Variants in PLEKHG3 observed in about 807,000 individuals in gnomAD.
The protein encoded by PLEKHG3 is pleckstrin homology domain-containing family G member 3.
PLEKHG3 carries 62 observed loss-of-function variants against 94.9 expected under a neutral mutation model. The ratio of observed to expected loss-of-function variants is 0.65; its 90% CI spans 0.53 to 0.81. The LOEUF is 0.81. PLEKHG3 is among the 30% of genes least tolerant of loss of function. PLEKHG3 has a pLI of 0.00. For synonymous variants in PLEKHG3, 614 were observed against 654.0 expected (o/e 0.94, Z 0.93); for missense variants, 1,461 against 1,619.3 (o/e 0.90, Z 1.68).
intron 1 of PLEKHG3, among the ~76,000 whole-genome samples, chr14:64,710,441 C>T (rs116066730): frequency 0.014 from 2,183 of 152,250 alleles, 59 homozygotes; most frequent in African/African-American, 0.05. Flanking sequence ...AGGCTGATGC[C>T]GGTGGATCAC....
chr14:64,737,864 T>A (rs1286212117), intron 14 of PLEKHG3: 1 of 1,192,476 alleles, frequency 8.4e-7, no homozygotes, highest in East Asian at 5.9e-5. Context: ...CTGAACAGCA[T>A]GCAGGCAGTG....
intron 12 of PLEKHG3, among the ~76,000 whole-genome samples, chr14:64,735,565 G>A (rs1474720510): frequency 3.9e-5 from 6 of 152,234 alleles, no homozygotes; most frequent in East Asian, 1.9e-4. Flanking sequence ...AATGGATATC[G>A]TGCCCCTGCA....
Position 64,732,318 on chromosome 14 carries a change from C to T in PLEKHG3, c.1213-109C>T. 1 of 1,250,610 alleles carries T rather than the reference C, an allele frequency of 8.0e-7. No homozygotes were observed. The highest frequency in any genetic ancestry group is 2.3e-5 in the East Asian group (1 of 43,210). 77.5% of individuals were successfully genotyped at this position (1,250,610 alleles called of 1,614,324 possible). ...GTGTCAGTACAGCAGATGCCCCGGG[C>T]CTTGGTGCAGCACTGTGGGGTGTCC... On this transcript the variant is annotated intron_variant, in intron 10 of 16. Transcript: ENST00000247226. This position sits in a 1 kb window ranked among gnomAD's most constrained non-coding sequence, Gnocchi z 4.9.
In PLEKHG3 at chr14:64,738,104, G is replaced by A. The variant is rs533375644; in HGVS notation, c.1405-638G>A. 55 of 1,303,476 alleles carry A rather than the reference G, an allele frequency of 4.2e-5. No homozygotes were observed. The highest frequency in any genetic ancestry group is 5.4e-5 in the Non-Finnish European group (54 of 996,736). 80.7% of individuals were successfully genotyped at this position (1,303,476 alleles called of 1,614,324 possible). On this transcript the variant is annotated intron_variant, in intron 14 of 16. Transcript: ENST00000247226. The surrounding 1 kb of genome is among the most constrained non-coding windows in gnomAD (Gnocchi z 4.8). ...CCCCAGGCTCAGAGGAGGAGGAGGA[G>A]GAGCAGGAGGAGAGCCTGGCGGTGG...
chr14:64,721,659 G>A lies in PLEKHG3; in HGVS notation c.-39-5934G>A, dbSNP rs949199035. On this transcript the variant is annotated intron_variant, in intron 1 of 16. Coordinates refer to ENST00000247226, the MANE Select transcript of PLEKHG3 (RefSeq NM_001308147.2). The surrounding 1 kb of genome is among the most constrained non-coding windows in gnomAD (Gnocchi z 4.3). ...CACATGCACACAAAGTCACTCCCCG[G>A]GGAGCCTTCTCTCGCGCTTTATTAC... 3.3e-5 allele frequency among the ~76,000 whole-genome samples: 5 copies of A among 152,180 alleles called. 1 individual carries two copies. Among genetic ancestry groups the A allele is most frequent in the African/African-American group, 1.2e-4 (5 of 41,444 alleles).
chr14:64,712,430 T>C (rs2081077490), intron 1 of PLEKHG3, among the ~76,000 whole-genome samples: 1 of 152,250 alleles, frequency 6.6e-6, no homozygotes, highest in African/African-American at 2.4e-5. Flanking sequence ...ATTGCCATAT[T>C]AACAATGTTA....
At chr14:64,724,005 C>T (rs1318653411) in intron 1 of PLEKHG3, 1 of 152,198 alleles carries the variant, frequency 6.6e-6, no homozygotes, top group African/African-American at 2.4e-5. Context: ...CTCCTACTTC[C>T]CTAGCAGACA....
Position 64,730,576 on chromosome 14 carries a change from T to G in PLEKHG3, c.520-66T>G. The G allele has an allele frequency of 7.3e-7, 1 of 1,377,320 alleles. No individual in the cohort carries two copies. The highest frequency in any genetic ancestry group is 1.2e-5 in the South Asian group (1 of 85,220). 85.3% of individuals were successfully genotyped at this position (1,377,320 alleles called of 1,614,324 possible). A position where few individuals can be genotyped will look rare whatever the true frequency, so the allele number is the denominator to read the frequency against. On this transcript the variant is annotated intron_variant, in intron 4 of 16. Coordinates refer to ENST00000247226, the MANE Select transcript of PLEKHG3 (RefSeq NM_001308147.2). This position sits in a 1 kb window ranked among gnomAD's most constrained non-coding sequence, Gnocchi z 5.4. ...GTGCTCTGGGGGCCAGGGGCCTATC[T>G]GCTACCACCATCTTTACTGTCAAAT...
rs139903746 is a variant in PLEKHG3, at chr14:64,724,258, C to T, written c.-39-3335C>T. Among the ~76,000 whole-genome samples the T allele has an allele frequency of 3.2e-4, 48 of 152,100 alleles. 1 individual carries two copies. Among genetic ancestry groups the T allele is most frequent in the African/African-American group, 9.4e-4 (39 of 41,484 alleles). On this transcript the variant is annotated intron_variant, in intron 1 of 16. Transcript: ENST00000247226. ...GTGCACTCAGAATGCACTCTGAGAG[C>T]GATGCCTCTTATCCGTCACCATCAA...
Position 64,741,182 on chromosome 14 carries a change from C to G in PLEKHG3, c.1665C>G (p.Asp555Glu). 6.2e-7 allele frequency: 1 copy of G among 1,613,746 alleles called. No individual in the cohort carries two copies. The highest frequency in any genetic ancestry group is 8.5e-7 in the Non-Finnish European group (1 of 1,179,760). Reference protein sequence around the residue: ...LDAHQGLLGMDPPGDMVDFVA... With the variant: ...LDAHQGLLGMEPPGDMVDFVA... ...CCCACCAGGGCCTTCTGGGGATGGA[C>G]CCCCCAGGTGACATGGTGGACTTCG... Residue 555 changes from aspartate (D) to glutamate (E), a missense_variant, in exon 16 of 17, where the codon GAC becomes GAG. Physicochemically the swap from Asp to Glu is conservative, Grantham distance 45 (BLOSUM62 2). Coordinates refer to ENST00000247226, the MANE Select transcript of PLEKHG3 (RefSeq NM_001308147.2).
In PLEKHG3 at chr14:64,743,305, G is replaced by C; in HGVS notation, c.3262G>C (p.Glu1088Gln). The change falls in exon 17 of 17, where the codon GAG (glutamate) becomes CAG (glutamine). Residue 1088 changes from glutamate (E) to glutamine (Q), a missense_variant. By Grantham distance (29) the Glu-to-Gln change is conservative (BLOSUM62 2). Coordinates refer to ENST00000247226, the MANE Select transcript of PLEKHG3 (RefSeq NM_001308147.2). This position sits in a 1 kb window ranked among gnomAD's most constrained non-coding sequence, Gnocchi z 7.2. ...RSHSVPENMVEPPLSGRVGRC... is the reference protein window; with the variant it reads ...RSHSVPENMVQPPLSGRVGRC... ...CCACTCGGTGCCGGAGAACATGGTA[G>C]AGCCACCTCTGTCGGGCAGGGTGGG... is the stretch of plus-strand genomic sequence containing the variant. The C allele has an allele frequency of 6.2e-7, 1 of 1,608,368 alleles. No homozygotes were observed. The highest frequency in any genetic ancestry group is 1.1e-5 in the South Asian group (1 of 90,898).
chr14:64,713,285 A>T (rs2081088454), intron 1 of PLEKHG3, among the ~76,000 whole-genome samples: 1 of 152,106 alleles, frequency 6.6e-6, no homozygotes, highest in Admixed American at 6.6e-5. Flanking sequence ...TCTGGTCCTG[A>T]TGGCAGGGTA....
In PLEKHG3 at chr14:64,738,921, A is replaced by C; in HGVS notation, c.1518+66A>C. 2.0e-6 allele frequency: 2 copies of C among 1,009,736 alleles called. No homozygotes were observed. 62.5% of individuals were successfully genotyped at this position (1,009,736 alleles called of 1,614,324 possible). ...TTGGAGTCCAGATTTTCAAGTCTGC[A>C]AATAGGGCTTTCAGGCACAGGCTCT... On this transcript the variant is annotated intron_variant, in intron 15 of 16. Coordinates refer to ENST00000247226, the MANE Select transcript of PLEKHG3 (RefSeq NM_001308147.2). The surrounding 1 kb of genome is among the most constrained non-coding windows in gnomAD (Gnocchi z 4.8).
chr14:64,722,236 T>C lies in PLEKHG3; in HGVS notation c.-39-5357T>C, dbSNP rs891201958. Reference sequence around the variant, plus strand: ...TTCCTTTCTTTTTTTGTTTTTGAGATGGAGTTTCGCTCTCATTGCCTAGGC... The same window carrying C: ...TTCCTTTCTTTTTTTGTTTTTGAGACGGAGTTTCGCTCTCATTGCCTAGGC... On this transcript the variant is annotated intron_variant, in intron 1 of 16. Transcript: ENST00000247226. The surrounding 1 kb of genome is among the most constrained non-coding windows in gnomAD (Gnocchi z 4.3). 5.9e-5 allele frequency among the ~76,000 whole-genome samples: 9 copies of C among 152,126 alleles called. No individual in the cohort carries two copies. Among genetic ancestry groups the C allele is most frequent in the African/African-American group, 1.9e-4 (8 of 41,440 alleles).
In PLEKHG3 at chr14:64,743,994, A is replaced by T. The variant is rs533339542; in HGVS notation, c.*291A>T. On this transcript the variant is annotated 3_prime_UTR_variant, in exon 17 of 17. Coordinates refer to ENST00000247226, the MANE Select transcript of PLEKHG3 (RefSeq NM_001308147.2). The surrounding 1 kb of genome is among the most constrained non-coding windows in gnomAD (Gnocchi z 7.2). ...CAAATATTTAAGCTCACTTCTTCCC[A>T]GAGAGAGGAAGCTCTGCTCAGGCCT... The T allele has an allele frequency of 3.8e-6, 1 of 262,006 alleles. No homozygotes were observed. Among genetic ancestry groups the T allele is most frequent in the Admixed American group, 5.1e-5 (1 of 19,584 alleles). 16.2% of individuals were successfully genotyped at this position (262,006 alleles called of 1,614,324 possible). A position where few individuals can be genotyped will look rare whatever the true frequency, so the allele number is the denominator to read the frequency against.
At position 64,743,081 on chromosome 14, in the gene PLEKHG3, A is replaced by G; in HGVS notation, c.3038A>G (p.Gln1013Arg). Residue 1013 changes from glutamine (Q) to arginine (R), a missense_variant, in exon 17 of 17, where the codon CAG becomes CGG. Gln to Arg is a conservative substitution (Grantham distance 43). This residue lies in a region of PLEKHG3 where 1,201 missense variants were observed against 1,295.5 expected (regional missense o/e 0.93). Transcript: ENST00000247226. The surrounding 1 kb of genome is among the most constrained non-coding windows in gnomAD (Gnocchi z 7.2). ...KPSSAGEMSP[Q>R]RFFFNPSAVS... The stretch of plus-strand genomic sequence containing the variant: ...TCCTCGGCTGGGGAGATGTCACCAC[A>G]GCGTTTCTTCTTCAACCCGTCTGCT... 1 of 1,613,174 alleles carries G rather than the reference A, an allele frequency of 6.2e-7. No individual in the cohort carries two copies. Among genetic ancestry groups the G allele is most frequent in the South Asian group, 1.1e-5 (1 of 91,074 alleles).
rs745844002 is a variant in PLEKHG3 at position 64,732,489 on chromosome 14, T to A, written c.1246+29T>A. On this transcript the variant is annotated intron_variant, in intron 11 of 16. Transcript: ENST00000247226. This position sits in a 1 kb window ranked among gnomAD's most constrained non-coding sequence, Gnocchi z 4.9. Reference sequence around the variant, plus strand: ...AGTGTACCCTTTTCTGCCTGTTTTGTCCCTAATCGTGCACATTGCTAGGTC... The same window carrying A: ...AGTGTACCCTTTTCTGCCTGTTTTGACCCTAATCGTGCACATTGCTAGGTC... The A allele has an allele frequency of 6.2e-7, 1 of 1,601,064 alleles. No individual in the cohort carries two copies. Among genetic ancestry groups the A allele is most frequent in the South Asian group, 1.1e-5 (1 of 90,858 alleles).
At chr14:64,737,322 C>A in intron 13 of PLEKHG3, 34 bp from the exon 14 acceptor site, 1 of 1,592,576 alleles carries the variant, frequency 6.3e-7, no homozygotes, top group Non-Finnish European at 8.6e-7. Context: ...GCCCCTCGCC[C>A]GTGTGCTGGG....
chr14:64,717,112 C>CGTGTGTGTGTGTGTGT lies in PLEKHG3; in HGVS notation c.-39-10459_-39-10444dup, dbSNP rs3063751. 9.7e-5 allele frequency among the ~76,000 whole-genome samples: 14 copies of CGTGTGTGTGTGTGTGT among 144,268 alleles called. No homozygotes were observed. The highest frequency in any genetic ancestry group is 1.6e-4 in the African/African-American group (6 of 38,614). The allele number at this position is 144,268 out of a possible 152,430, so 94.6% of individuals were successfully genotyped here. On this transcript the variant is annotated intron_variant, in intron 1 of 16. Transcript: ENST00000247226. The surrounding 1 kb of genome is among the most constrained non-coding windows in gnomAD (Gnocchi z 4.7). ...GGCTGGCCGCCTTTGGGAATTTACA[C>CGTGTGTGTGTGTGTGT]GTGTGTGTGTGTGTGTGTGTGTGTG... is the stretch of plus-strand genomic sequence containing the variant.
Sources: allele counts gnomAD v4.1 joint callset (sites outside exome capture counted in the v4.1 genomes callset), GRCh38; gene constraint gnomAD v4.1.1; regional missense constraint gnomAD v4.1.1; non-coding constraint Gnocchi (gnomAD v3.1); transcripts MANE v1.5; gene names NCBI Gene and HGNC (gene_info 2026-07-23, HGNC 2026-07-21).